Variants in MDFIC observed in about 807,000 individuals in gnomAD.
MDFIC encodes MyoD family inhibitor domain containing.
A neutral mutation model predicts 23.2 loss-of-function variants in MDFIC; 17 were observed. The observed-to-expected ratio is 0.73, with a 90% CI of 0.50 to 1.10. The LOEUF (loss-of-function observed/expected upper bound fraction) is 1.10, where lower values mean the gene tolerates loss of function less well. Among genes scored for constraint, MDFIC ranks in the 50% least tolerant of loss-of-function variants. MDFIC has a pLI of 0.00. For synonymous variants in MDFIC, 120 were observed against 115.2 expected (o/e 1.04, Z -0.27); for missense variants, 356 against 316.6 (o/e 1.12, Z -0.95).
At chr7:114,974,417 TTTACACCAAGTCA>T (rs1039400955) in intron 3 of MDFIC, among the ~76,000 whole-genome samples, 4 of 152,102 alleles carry the variant, frequency 2.6e-5, no homozygotes, top group African/African-American at 9.7e-5. Context: ...GTCATTTAGA[TTTACACCAAGTCA>T]TTTTCCCCCT....
At chr7:114,954,397 G>C (rs1177757121) in intron 3 of MDFIC, among the ~76,000 whole-genome samples, 1 of 152,168 alleles carries the variant, frequency 6.6e-6, no homozygotes, top group Non-Finnish European at 1.5e-5. Flanking sequence ...TGGCATTTCT[G>C]CCATGCTTAT....
intron 3 of MDFIC, among the ~76,000 whole-genome samples, chr7:114,978,064 C>T (rs1357811797): frequency 6.7e-6 from 1 of 148,834 alleles, no homozygotes; most frequent in African/African-American, 2.5e-5. Flanking sequence ...TATATTGTAC[C>T]CAAATATGTA....
At chr7:115,003,020 G>A (rs1354174976) in intron 4 of MDFIC, among the ~76,000 whole-genome samples, 5 of 152,102 alleles carry the variant, frequency 3.3e-5, no homozygotes, top group African/African-American at 1.2e-4. Context: ...CACTCCTCAC[G>A]TCACTGCTAT....
intron 4 of MDFIC, among the ~76,000 whole-genome samples, chr7:114,988,293 GAA>G (rs1188472998): frequency 3.3e-5 from 5 of 152,284 alleles, no homozygotes; most frequent in Non-Finnish European, 5.9e-5. Context: ...AGGCTATTTA[GAA>G]ACCAGGCTTC....
At chr7:114,930,851 G>A (rs558146390) in intron 2 of MDFIC, among the ~76,000 whole-genome samples, 6 of 152,282 alleles carry the variant, frequency 3.9e-5, no homozygotes, top group South Asian at 4.1e-4. Context: ...AGGATAAATC[G>A]TGATTTCTAT....
chr7:114,998,328 G>A lies in MDFIC; in HGVS notation c.494-17360G>A, dbSNP rs371239320. On this transcript the variant is annotated intron_variant, in intron 4 of 4. Coordinates refer to ENST00000393486, the MANE Select transcript of MDFIC (RefSeq NM_001166345.3). ...CCACCTATAGTAAAACCTTATCTCA[G>A]ATGCTCATGTTAAATAAAAATATTT... 9.0e-4 allele frequency among the ~76,000 whole-genome samples: 137 copies of A among 152,248 alleles called. 5 individuals are homozygous for A. In the South Asian group the frequency reaches 0.028, roughly 31 times the overall value.
intron 4 of MDFIC, among the ~76,000 whole-genome samples, chr7:114,996,808 A>T (rs1376252577): frequency 6.6e-6 from 1 of 152,208 alleles, no homozygotes; most frequent in African/African-American, 2.4e-5. Context: ...TCTAATTTGA[A>T]TGCAGGATTA....
At chr7:114,954,889 A>T (rs983408449) in intron 3 of MDFIC, among the ~76,000 whole-genome samples, 1 of 147,242 alleles carries the variant, frequency 6.8e-6, no homozygotes, top group African/African-American at 2.5e-5. Context: ...TCTGCTTGAA[A>T]CTCCCTCCCT....
intron 3 of MDFIC, among the ~76,000 whole-genome samples, chr7:114,965,974 A>G (rs1563144123): frequency 1.3e-5 from 2 of 152,076 alleles, no homozygotes; most frequent in Non-Finnish European, 2.9e-5. Context: ...TCAGGTTATA[A>G]TTTTCCATAT....
At chr7:114,984,684 G>T (rs1047473594) in intron 4 of MDFIC, among the ~76,000 whole-genome samples, 1 of 152,118 alleles carries the variant, frequency 6.6e-6, no homozygotes, top group African/African-American at 2.4e-5. Context: ...CTTGACCTTT[G>T]AAATAATTAT....
intron 4 of MDFIC, among the ~76,000 whole-genome samples, chr7:115,006,571 A>C (rs1427912717): frequency 6.6e-6 from 1 of 152,234 alleles, no homozygotes; most frequent in Admixed American, 6.5e-5. Context: ...GCCAAGGACA[A>C]ATGAAAAGAG....
chr7:114,923,207 TG>T, intron 2 of MDFIC, 80 bp downstream of exon 2: 6 of 1,492,390 alleles, frequency 4.0e-6, no homozygotes, highest in Non-Finnish European at 5.4e-6. Flanking sequence ...CAGATAGGGG[TG>T]GGGGGAGTGC....
intron 4 of MDFIC, among the ~76,000 whole-genome samples, chr7:114,984,266 C>G (rs1019316480): frequency 1.3e-5 from 2 of 152,174 alleles, no homozygotes; most frequent in African/African-American, 2.4e-5. Flanking sequence ...CACCTGTGCT[C>G]TCTGTTTTCC....
At chr7:114,957,054 T>C (rs1792897876) in intron 3 of MDFIC, among the ~76,000 whole-genome samples, 1 of 152,176 alleles carries the variant, frequency 6.6e-6, no homozygotes, top group African/African-American at 2.4e-5. Context: ...GTAGTTTTAC[T>C]CTGTAACACT....
chr7:115,016,004 A>G lies in MDFIC; in HGVS notation c.*69A>G. On this transcript the variant is annotated 3_prime_UTR_variant, in exon 5 of 5. Transcript: ENST00000393486. ...ATTTCCTTTTGGGGGGAAGAAAAGC[A>G]CATTGTAAGATTCTCATGAAACAAC... The G allele has an allele frequency of 6.9e-7, 1 of 1,446,454 alleles. No homozygotes were observed. Among genetic ancestry groups the G allele is most frequent in the Non-Finnish European group, 9.4e-7 (1 of 1,062,640 alleles). 89.6% of individuals were successfully genotyped at this position (1,446,454 alleles called of 1,614,324 possible).
At chr7:114,977,795 G>A (rs1447768925) in intron 3 of MDFIC, among the ~76,000 whole-genome samples, 1 of 150,292 alleles carries the variant, frequency 6.7e-6, no homozygotes, top group Non-Finnish European at 1.5e-5. Context: ...TTATATATAG[G>A]CATTTAATAC....
chr7:114,992,656 G>A (rs1038864289), intron 4 of MDFIC, among the ~76,000 whole-genome samples: 17 of 152,116 alleles, frequency 1.1e-4, no homozygotes, highest in Admixed American at 3.3e-4. Context: ...TATGTTTATT[G>A]ATTTGTGTAT....
intron 3 of MDFIC, among the ~76,000 whole-genome samples, chr7:114,962,125 A>G (rs558870895): frequency 6.6e-6 from 1 of 152,196 alleles, no homozygotes; most frequent in East Asian, 1.9e-4. Context: ...TTGTTTTTCT[A>G]CATGTTGACA....
chr7:114,929,084 G>GATCTATCTATCTATTTATCTATCT (rs1554470007), intron 2 of MDFIC, among the ~76,000 whole-genome samples: 43 of 148,078 alleles, frequency 2.9e-4, no homozygotes, highest in Admixed American at 2.4e-3. Flanking sequence ...GATAAATATA[G>GATCTATCTATCTATTTATCTATCT]ATCTATCTAT....
Sources: allele counts gnomAD v4.1 joint callset (sites outside exome capture counted in the v4.1 genomes callset), GRCh38; gene constraint gnomAD v4.1.1; transcripts MANE v1.5; gene names NCBI Gene and HGNC (gene_info 2026-07-23, HGNC 2026-07-21).